ARMH3: variants seen among roughly 807,000 people sequenced by gnomAD.
ARMH3 encodes armadillo-like helical domain-containing protein 3.
ARMH3 carries 60 observed loss-of-function variants against 99.1 expected under a neutral mutation model. That is an observed-to-expected ratio of 0.61 (90% confidence interval 0.49 to 0.75). The LOEUF (loss-of-function observed/expected upper bound fraction) is 0.75, where lower values mean the gene tolerates loss of function less well. Ranked by LOEUF, ARMH3 falls within the 30% of genes least tolerant of loss-of-function variation. The pLI is 0.00. For missense variants in ARMH3, 679 were observed against 843.1 expected (o/e 0.81, Z 2.41); for synonymous variants, 285 against 292.8 (o/e 0.97, Z 0.27).
intron 23 of ARMH3, among the ~76,000 whole-genome samples, chr10:101,895,205 T>G (rs937364164): frequency 1.3e-5 from 2 of 152,188 alleles, no homozygotes; most frequent in Non-Finnish European, 2.9e-5. Flanking sequence ...GTTAGATCCC[T>G]TCCTTATACC....
intron 23 of ARMH3, 159 bp from the exon 24 acceptor site, chr10:101,889,649 G>A: frequency 2.9e-6 from 2 of 687,974 alleles, no homozygotes; most frequent in Non-Finnish European, 2.7e-6. Context: ...AGTCACAAAT[G>A]GGGGTGAATT....
chr10:102,053,680 G>A (rs973776085), intron 1 of ARMH3, among the ~76,000 whole-genome samples: 10 of 147,022 alleles, frequency 6.8e-5, no homozygotes, highest in African/African-American at 2.5e-4. Flanking sequence ...TTTTTTTTGA[G>A]AGGGAGTCTC....
At chr10:101,900,006 C>G (rs1436656466) in intron 23 of ARMH3, among the ~76,000 whole-genome samples, 1 of 152,144 alleles carries the variant, frequency 6.6e-6, no homozygotes, top group African/African-American at 2.4e-5. Flanking sequence ...TCAAATGGAC[C>G]ATCTACATTT....
intron 15 of ARMH3, among the ~76,000 whole-genome samples, chr10:101,996,226 C>T (rs1847047758): frequency 6.6e-6 from 1 of 152,156 alleles, no homozygotes; most frequent in South Asian, 2.1e-4. Context: ...AGACAAATGG[C>T]TCATGATTTT....
chr10:101,975,808 C>T (rs992062440), intron 19 of ARMH3, among the ~76,000 whole-genome samples: 2 of 150,452 alleles, frequency 1.3e-5, no homozygotes, highest in Admixed American at 6.6e-5. Context: ...TGCAGTGAGT[C>T]GAGATCGTGC....
rs888956931 is a variant in ARMH3, at chr10:101,956,674, G to C, written c.1628C>G (p.Pro543Arg). ...AAGTTCATCATAGCTGCTGGGGGTT[G>C]GCAGAAATGTGTCGCCATATGTGAT... is the stretch of plus-strand genomic sequence containing the variant. ...MFITYGDTFL[P>R]TPSSYDELYY... Residue 543 changes from proline (P) to arginine (R), a missense_variant, in exon 22 of 26, where the codon CCA becomes CGA. By Grantham distance (103) the Pro-to-Arg change is moderately radical. Around this residue, in one of 3 missense-constraint regions of ARMH3, gnomAD observed 389 missense variants for 456.5 expected, o/e 0.85. Coordinates refer to ENST00000370033, the MANE Select transcript of ARMH3 (RefSeq NM_024541.3). The C allele has an allele frequency of 4.3e-6, 7 of 1,613,664 alleles. No homozygotes were observed. Among genetic ancestry groups the C allele is most frequent in the Non-Finnish European group, 5.9e-6 (7 of 1,179,662 alleles).
chr10:101,957,028 A>T (rs1564792401), intron 21 of ARMH3, among the ~76,000 whole-genome samples: 1 of 152,254 alleles, frequency 6.6e-6, no homozygotes, highest in Non-Finnish European at 1.5e-5. Flanking sequence ...TGGTGCAAAC[A>T]TCATATAATG....
At chr10:101,886,965 A>C (rs1031411241) in intron 24 of ARMH3, among the ~76,000 whole-genome samples, 1 of 152,146 alleles carries the variant, frequency 6.6e-6, no homozygotes, top group Non-Finnish European at 1.5e-5. Flanking sequence ...GCTGCTAACA[A>C]CTGCAGGGCC....
intron 23 of ARMH3, among the ~76,000 whole-genome samples, chr10:101,896,172 A>G (rs2067828832): frequency 6.6e-6 from 1 of 152,216 alleles, no homozygotes; most frequent in Non-Finnish European, 1.5e-5. Flanking sequence ...CCGAGGCTGC[A>G]GTGAGCTAAG....
intron 23 of ARMH3, among the ~76,000 whole-genome samples, chr10:101,918,695 A>G (rs1843183870): frequency 6.6e-6 from 1 of 152,226 alleles, no homozygotes; most frequent in African/African-American, 2.4e-5. Flanking sequence ...TTATGGAGCA[A>G]TTTAATCTGG....
intron 23 of ARMH3, 150 bp from the exon 24 acceptor site, chr10:101,889,640 G>T: frequency 1.4e-6 from 1 of 714,680 alleles, no homozygotes; most frequent in Non-Finnish European, 2.6e-6. Context: ...ACATGAGGTA[G>T]TCACAAATGG....
intron 23 of ARMH3, among the ~76,000 whole-genome samples, chr10:101,905,941 T>C (rs2068092233): frequency 6.6e-6 from 1 of 152,236 alleles, no homozygotes; most frequent in Admixed American, 6.5e-5. Flanking sequence ...ATCATTCTTA[T>C]ACAGAGTGTT....
chr10:101,854,425 C>T (rs2066683624), intron 24 of ARMH3, among the ~76,000 whole-genome samples: 1 of 152,154 alleles, frequency 6.6e-6, no homozygotes, highest in Non-Finnish European at 1.5e-5. Context: ...CAGGAAGTAC[C>T]TACCTATTTC....
intron 23 of ARMH3, among the ~76,000 whole-genome samples, chr10:101,907,401 G>C (rs949560022): frequency 5.9e-5 from 6 of 102,542 alleles, no homozygotes; most frequent in Non-Finnish European, 1.2e-4. Flanking sequence ...TTTTTTTTTT[G>C]AGACAGGGTC....
chr10:102,024,303 G>C (rs2066951361), intron 6 of ARMH3, among the ~76,000 whole-genome samples: 1 of 150,990 alleles, frequency 6.6e-6, no homozygotes, highest in Admixed American at 6.6e-5. Context: ...ACAAAAATTA[G>C]CCAGGCGTGG....
intron 23 of ARMH3, among the ~76,000 whole-genome samples, chr10:101,891,263 T>A (rs1160106231): frequency 1.3e-5 from 2 of 152,000 alleles, no homozygotes; most frequent in Non-Finnish European, 2.9e-5. Context: ...TGGTGCGATC[T>A]CAGCTCCCTG....
chr10:101,898,977 A>G (rs2067909875), intron 23 of ARMH3, among the ~76,000 whole-genome samples: 1 of 152,220 alleles, frequency 6.6e-6, no homozygotes, highest in African/African-American at 2.4e-5. Context: ...TTTTCCTTGA[A>G]GGCCCAGTTA....
intron 6 of ARMH3, 123 bp downstream of exon 6, chr10:102,025,033 G>C: frequency 1.3e-6 from 1 of 776,216 alleles, no homozygotes; most frequent in South Asian, 1.7e-5. Flanking sequence ...AGACACGAGG[G>C]AGTGATGTAA....
At chr10:102,032,969 G>T in intron 4 of ARMH3, 57 bp downstream of exon 4, 1 of 1,585,780 alleles carries the variant, frequency 6.3e-7, no homozygotes, top group Non-Finnish European at 8.6e-7. Context: ...TCAAACAGAT[G>T]TGTTACAATT....
Sources: gnomAD v4.1 joint callset for allele counts (sites outside exome capture counted in the v4.1 genomes callset) on GRCh38, gnomAD v4.1.1 for gene constraint, gnomAD v4.1.1 regional missense constraint, MANE v1.5 for transcripts, NCBI Gene and HGNC (gene_info 2026-07-23, HGNC 2026-07-21) for gene names.